Variants in RAB5C observed in about 807,000 individuals in gnomAD.
The protein encoded by RAB5C is ras-related protein Rab-5C.
Under a neutral mutation model 25.2 loss-of-function variants are expected in RAB5C, and 4 were observed. That is an observed-to-expected ratio of 0.16 (90% CI 0.08 to 0.36). The LOEUF (loss-of-function observed/expected upper bound fraction) is 0.36. Among genes scored for constraint, RAB5C ranks in the 10% least tolerant of loss-of-function variants. RAB5C has a pLI of 1.00. For missense variants in RAB5C, 199 were observed against 283.8 expected (o/e 0.70, Z 2.15); for synonymous variants, 100 against 106.4 (o/e 0.94, Z 0.37).
chr17:42,150,873 C>G (rs1183503855), intron 1 of RAB5C, among the ~76,000 whole-genome samples: 2 of 152,026 alleles, frequency 1.3e-5, no homozygotes, highest in Admixed American at 1.3e-4. Flanking sequence ...AACCTTCAAA[C>G]CCCTACCTAC....
At chr17:42,128,015 T>C (rs1415265166) in intron 4 of RAB5C, among the ~76,000 whole-genome samples, 1 of 152,082 alleles carries the variant, frequency 6.6e-6, no homozygotes, top group African/African-American at 2.4e-5. Flanking sequence ...AGACAGAGTC[T>C]TACTGTGTCG....
chr17:42,142,637 G>A (rs1000915603), intron 1 of RAB5C, among the ~76,000 whole-genome samples: 1 of 152,186 alleles, frequency 6.6e-6, no homozygotes, highest in African/African-American at 2.4e-5. Flanking sequence ...ACCTGAAGGG[G>A]ACATACATGG....
chr17:42,138,503 G>A (rs2054559929), intron 1 of RAB5C, among the ~76,000 whole-genome samples: 1 of 152,218 alleles, frequency 6.6e-6, no homozygotes, highest in Non-Finnish European at 1.5e-5. Flanking sequence ...ACAGGAAGAT[G>A]ACCCTTTTTC....
chr17:42,150,500 C>T (rs1368135061), intron 1 of RAB5C, among the ~76,000 whole-genome samples: 1 of 136,152 alleles, frequency 7.3e-6, no homozygotes, highest in Non-Finnish European at 1.5e-5. Context: ...GCCAAGATCA[C>T]GCCATTGCAC....
intron 1 of RAB5C, among the ~76,000 whole-genome samples, chr17:42,146,511 G>A (rs1433564978): frequency 6.6e-6 from 1 of 152,214 alleles, no homozygotes; most frequent in Non-Finnish European, 1.5e-5. Flanking sequence ...AGCACTTTCA[G>A]AGGCCAAGGC....
Position 42,127,543 on chromosome 17 carries a change from TTTTC to T in RAB5C, c.442-699_442-696del, listed in dbSNP as rs763631883. Among the ~76,000 whole-genome samples the T allele has an allele frequency of 4.0e-4, 61 of 151,472 alleles. No homozygotes were observed. In the Middle Eastern group the frequency reaches 0.01, roughly 25 times the overall value. On this transcript the variant is annotated intron_variant, in intron 4 of 5. Coordinates refer to ENST00000346213, the MANE Select transcript of RAB5C (RefSeq NM_004583.4). ...TTTTAGGCCCATGCTTTTTTTATTC[TTTTC>T]TTTTTTTTTTTTTTGAGACAGGATC...
Position 42,154,937 on chromosome 17 carries a change from G to A in RAB5C, c.-133C>T, listed in dbSNP as rs2079698055. On this transcript the variant is annotated 5_prime_UTR_variant, in exon 1 of 6. Coordinates refer to ENST00000346213, the MANE Select transcript of RAB5C (RefSeq NM_004583.4). ...CGTTACTTGGGGCCGGGGCTCGGAC[G>A]GGATCCGCTTCTCTCCCCGCCGGCG... is the stretch of plus-strand genomic sequence containing the variant. 1 of 152,448 alleles carries A rather than the reference G, an allele frequency of 6.6e-6. No individual in the cohort carries two copies. The highest frequency in any genetic ancestry group is 6.5e-5 in the Admixed American group (1 of 15,294). The allele number at this position is 152,448 out of a possible 1,614,324, so 9.4% of individuals were successfully genotyped here.
chr17:42,151,690 C>T (rs1394171731), intron 1 of RAB5C, among the ~76,000 whole-genome samples: 1 of 152,162 alleles, frequency 6.6e-6, no homozygotes, highest in African/African-American at 2.4e-5. Flanking sequence ...CTTTCATTTT[C>T]TAGCCATTAG....
chr17:42,137,314 G>GAAAAAAAAAAAAA (rs1300048784), intron 1 of RAB5C, among the ~76,000 whole-genome samples: 4 of 98,626 alleles, frequency 4.1e-5, no homozygotes, highest in Non-Finnish European at 4.5e-5. Context: ...TCAAAAAAAA[G>GAAAAAAAAAAAAA]AAAAAAAAAA....
chr17:42,144,371 C>T (rs1051155108), intron 1 of RAB5C, among the ~76,000 whole-genome samples: 23 of 152,056 alleles, frequency 1.5e-4, no homozygotes, highest in African/African-American at 2.4e-4. Context: ...GCAGGAGAAT[C>T]GCTTGAACCC....
In RAB5C at chr17:42,125,706, A is replaced by T; in HGVS notation, c.*77T>A. 1 of 1,036,824 alleles carries T rather than the reference A, an allele frequency of 9.6e-7. No homozygotes were observed. 64.2% of individuals were successfully genotyped at this position (1,036,824 alleles called of 1,614,324 possible). On this transcript the variant is annotated 3_prime_UTR_variant, in exon 6 of 6. Coordinates refer to ENST00000346213, the MANE Select transcript of RAB5C (RefSeq NM_004583.4). ...CCCCCAGTGGTGGCCCGAGTCGTTA[A>T]GTGCGATTGGTTAGAGTGGATTCCA... is the stretch of plus-strand genomic sequence containing the variant.
intron 1 of RAB5C, among the ~76,000 whole-genome samples, chr17:42,147,061 AG>A (rs1224457715): frequency 8.8e-5 from 13 of 147,676 alleles, no homozygotes; most frequent in African/African-American, 3.4e-4. Context: ...AGAAAAAGAA[AG>A]AAAGAAAGAA....
chr17:42,144,795 C>T (rs1488286040), intron 1 of RAB5C, among the ~76,000 whole-genome samples: 7 of 151,932 alleles, frequency 4.6e-5, no homozygotes, highest in Admixed American at 1.3e-4. Flanking sequence ...GGCGTGGTGG[C>T]GGGCGCCTGT....
At chr17:42,153,803 G>A (rs1188506179) in intron 1 of RAB5C, among the ~76,000 whole-genome samples, 2 of 152,198 alleles carry the variant, frequency 1.3e-5, no homozygotes, top group South Asian at 4.1e-4. Flanking sequence ...ATGGTTGAGG[G>A]AACCTGCACT....
At chr17:42,151,392 G>A (rs1318277138) in intron 1 of RAB5C, among the ~76,000 whole-genome samples, 1 of 151,370 alleles carries the variant, frequency 6.6e-6, no homozygotes, top group Non-Finnish European at 1.5e-5. Flanking sequence ...AGCCAAGATC[G>A]CACCACTGCA....
chr17:42,126,658 A>AAAAG lies in RAB5C; in HGVS notation c.535+96_535+97insCTTT, dbSNP rs1555668769. 3 of 497,174 alleles carry AAAAG rather than the reference A, an allele frequency of 6.0e-6. No homozygotes were observed. The African/African-American group carries it at 6.0e-5, about 10-fold the overall frequency. 30.8% of individuals were successfully genotyped at this position (497,174 alleles called of 1,614,324 possible). On this transcript the variant is annotated intron_variant, in intron 5 of 5. Transcript: ENST00000346213. The stretch of plus-strand genomic sequence containing the variant: ...AAAAAAAAAAAAAAAAAAAAAAAAA[A>AAAAG]GAGTGGTGAAGGGACCCCGCAGGCC...
intron 1 of RAB5C, among the ~76,000 whole-genome samples, chr17:42,138,719 A>T (rs1039122000): frequency 6.6e-6 from 1 of 152,102 alleles, no homozygotes; most frequent in African/African-American, 2.4e-5. Context: ...GCAGACACCA[A>T]CTCCACCAAT....
intron 1 of RAB5C, among the ~76,000 whole-genome samples, chr17:42,146,617 C>T (rs560703963): frequency 3.2e-4 from 49 of 152,234 alleles, no homozygotes; most frequent in African/African-American, 1.1e-3. Context: ...GGCATGGTGG[C>T]GTACGCCTGT....
In RAB5C at chr17:42,130,548, G is replaced by C. The variant is rs1328679100; in HGVS notation, c.-46C>G. On this transcript the variant is annotated 5_prime_UTR_variant, in exon 2 of 6. Transcript: ENST00000346213. ...TCCAGAGAGCGTGCGGGTGGGGACT[G>C]GTGCTATGCAAAGAGGCACTTAGTG... The C allele has an allele frequency of 1.2e-6, 2 of 1,607,378 alleles. No homozygotes were observed.
Sources: gnomAD v4.1 joint callset for allele counts (sites outside exome capture counted in the v4.1 genomes callset) on GRCh38, gnomAD v4.1.1 for gene constraint, MANE v1.5 for transcripts, NCBI Gene and HGNC (gene_info 2026-07-23, HGNC 2026-07-21) for gene names.